Variants in ROBO2 observed in about 807,000 individuals in gnomAD.
ROBO2 encodes roundabout homolog 2.
A neutral mutation model predicts 160.8 loss-of-function variants in ROBO2; 53 were observed. That is an observed-to-expected ratio of 0.33 (90% confidence interval 0.26 to 0.41). ROBO2 has a LOEUF of 0.41. ROBO2 is among the 10% of genes least tolerant of loss of function. ROBO2 has a pLI of 1.00. For missense variants in ROBO2, 1,577 were observed against 1,722.4 expected (o/e 0.92, Z 1.49); for synonymous variants, 664 against 611.7 (o/e 1.09, Z -1.26).
chr3:77,046,863 G>A (rs542940273), intron 1 of ROBO2, among the ~76,000 whole-genome samples: 8 of 152,300 alleles, frequency 5.3e-5, no homozygotes, highest in African/African-American at 1.7e-4. Context: ...ATGCTGACCT[G>A]TGAAAATATT....
At chr3:76,380,761 C>T (rs1559852223) in intron 2 of ROBO2, among the ~76,000 whole-genome samples, 1 of 152,002 alleles carries the variant, frequency 6.6e-6, no homozygotes, top group Non-Finnish European at 1.5e-5. Context: ...GTTTTCCTAA[C>T]CCCCATGTTG....
At chr3:77,168,957 C>A (rs542738747) in intron 2 of ROBO2, among the ~76,000 whole-genome samples, 59 of 152,232 alleles carry the variant, frequency 3.9e-4, no homozygotes, top group Non-Finnish European at 4.0e-4. Context: ...TAAAAAGATT[C>A]TTTTTGTCAT....
chr3:76,933,494 T>C (rs748462280), intron 2 of ROBO2, among the ~76,000 whole-genome samples: 1 of 152,210 alleles, frequency 6.6e-6, no homozygotes, highest in Non-Finnish European at 1.5e-5. Flanking sequence ...AAATGACACA[T>C]ACCATTCAAA....
At chr3:77,008,065 T>C (rs1332675696) in intron 2 of ROBO2, among the ~76,000 whole-genome samples, 2 of 152,044 alleles carry the variant, frequency 1.3e-5, no homozygotes, top group Admixed American at 6.6e-5. Context: ...GAACTTTAGA[T>C]ACTATCAGAA....
chr3:76,303,701 C>T (rs1266645013), intron 2 of ROBO2, among the ~76,000 whole-genome samples: 1 of 152,158 alleles, frequency 6.6e-6, no homozygotes, highest in Non-Finnish European at 1.5e-5. Flanking sequence ...CTAGGACCCT[C>T]CAATAAGATA....
At chr3:77,420,449 C>G (rs913927378) in intron 2 of ROBO2, among the ~76,000 whole-genome samples, 1 of 152,100 alleles carries the variant, frequency 6.6e-6, no homozygotes, top group Admixed American at 6.6e-5. Flanking sequence ...TTTCAAGGGA[C>G]TGGCTCTACC....
chr3:75,921,660 T>C (rs903526013), intron 1 of ROBO2, among the ~76,000 whole-genome samples: 4 of 152,166 alleles, frequency 2.6e-5, no homozygotes, highest in African/African-American at 7.2e-5. Context: ...GATGTGCATG[T>C]ACACAAGTGT....
intron 2 of ROBO2, among the ~76,000 whole-genome samples, chr3:76,340,618 G>C (rs1011294454): frequency 6.6e-6 from 1 of 152,092 alleles, no homozygotes; most frequent in African/African-American, 2.4e-5. Context: ...AGGTCACAAA[G>C]CATATTATGA....
At chr3:77,384,408 T>A (rs769069016) in intron 2 of ROBO2, among the ~76,000 whole-genome samples, 5 of 152,178 alleles carry the variant, frequency 3.3e-5, no homozygotes, top group Non-Finnish European at 5.9e-5. Flanking sequence ...AATGTTGTTT[T>A]TCTTCAATGT....
chr3:76,800,053 CA>C (rs1327004986), intron 2 of ROBO2, among the ~76,000 whole-genome samples: 1 of 152,034 alleles, frequency 6.6e-6, no homozygotes, highest in Non-Finnish European at 1.5e-5. Flanking sequence ...ATAGAGAACC[CA>C]GAAATAAATC....
intron 2 of ROBO2, among the ~76,000 whole-genome samples, chr3:76,644,273 T>TA (rs200742489): frequency 2.5e-4 from 38 of 151,558 alleles, no homozygotes; most frequent in South Asian, 1.5e-3. Flanking sequence ...CAAGTGGTGT[T>TA]AAAAAAAAAT....
intron 2 of ROBO2, among the ~76,000 whole-genome samples, chr3:76,760,230 T>A (rs1034134042): frequency 2.0e-5 from 3 of 151,882 alleles, no homozygotes; most frequent in Non-Finnish European, 4.4e-5. Flanking sequence ...TGGACCTTTT[T>A]AAAATGTTTT....
chr3:76,483,476 A>G (rs2079319783), intron 2 of ROBO2, among the ~76,000 whole-genome samples: 1 of 152,262 alleles, frequency 6.6e-6, no homozygotes, highest in African/African-American at 2.4e-5. Flanking sequence ...GATCCATTAT[A>G]CCATCTCCTT....
intron 2 of ROBO2, among the ~76,000 whole-genome samples, chr3:77,424,778 A>C (rs765199869): frequency 6.6e-5 from 10 of 152,184 alleles, no homozygotes; most frequent in Non-Finnish European, 1.0e-4. Context: ...GTGAAGTCAC[A>C]AAGAGAAGGG....
chr3:77,495,643 C>G (rs2086686732), intron 5 of ROBO2, among the ~76,000 whole-genome samples: 1 of 152,072 alleles, frequency 6.6e-6, no homozygotes, highest in East Asian at 1.9e-4. Context: ...CGAATGTGCC[C>G]CAAACTTGGA....
At chr3:76,982,608 T>C (rs998191222) in intron 2 of ROBO2, among the ~76,000 whole-genome samples, 1 of 152,224 alleles carries the variant, frequency 6.6e-6, no homozygotes, top group African/African-American at 2.4e-5. Context: ...TTTTGCTAAA[T>C]AAGTACATTT....
At chr3:77,286,096 T>C (rs905161195) in intron 2 of ROBO2, among the ~76,000 whole-genome samples, 1 of 152,150 alleles carries the variant, frequency 6.6e-6, no homozygotes, top group Non-Finnish European at 1.5e-5. Context: ...CATATGCATA[T>C]AGCAGTGTGT....
intron 2 of ROBO2, among the ~76,000 whole-genome samples, chr3:76,131,200 T>C (rs2071208121): frequency 1.3e-5 from 2 of 152,172 alleles, no homozygotes; most frequent in Admixed American, 6.5e-5. Flanking sequence ...CTGCTTGAAA[T>C]TGAAAACTTC....
intron 2 of ROBO2, among the ~76,000 whole-genome samples, chr3:76,104,052 C>T (rs893910034): frequency 2.6e-5 from 4 of 152,130 alleles, no homozygotes; most frequent in African/African-American, 7.2e-5. Context: ...GAGGAATATA[C>T]GACATCCAGA....
Sources: gnomAD v4.1 joint callset for allele counts (sites outside exome capture counted in the v4.1 genomes callset) on GRCh38, gnomAD v4.1.1 for gene constraint, MANE v1.5 for transcripts, NCBI Gene and HGNC (gene_info 2026-07-23, HGNC 2026-07-21) for gene names.